ZBTB7C: variants seen among roughly 807,000 people sequenced by gnomAD.
ZBTB7C encodes zinc finger and BTB domain-containing protein 7C.
In ZBTB7C, 8 loss-of-function variants were observed where a neutral mutation model predicts 25.7. The ratio of observed to expected loss-of-function variants is 0.31; its 90% CI spans 0.18 to 0.56. The LOEUF (loss-of-function observed/expected upper bound fraction) is 0.56, where lower values mean the gene tolerates loss of function less well. Ranked by LOEUF, ZBTB7C falls within the 20% of genes least tolerant of loss-of-function variation. The pLI, the probability that ZBTB7C is intolerant of heterozygous loss-of-function variation, is 0.91. For missense variants in ZBTB7C, 824 were observed against 855.2 expected, an observed-to-expected ratio of 0.96 and a Z score of 0.46; for synonymous variants, 394 against 369.0, an observed-to-expected ratio of 1.07 and a Z score of -0.78.
intron 1 of ZBTB7C, among the ~76,000 whole-genome samples, chr18:48,396,820 A>T (rs2048038149): frequency 6.6e-6 from 1 of 152,218 alleles, no homozygotes; most frequent in Non-Finnish European, 1.5e-5. Flanking sequence ...CACGAGCCAC[A>T]ATGGTGGTTG....
At chr18:48,034,932 C>T (rs2035909953) in intron 4 of ZBTB7C, among the ~76,000 whole-genome samples, 1 of 152,208 alleles carries the variant, frequency 6.6e-6, no homozygotes, top group Non-Finnish European at 1.5e-5. Flanking sequence ...TCCAGAAAGG[C>T]TCCCAATCAG....
intron 2 of ZBTB7C, among the ~76,000 whole-genome samples, chr18:48,311,632 C>T (rs1332943273): frequency 6.6e-6 from 1 of 151,868 alleles, no homozygotes; most frequent in Admixed American, 6.6e-5. Flanking sequence ...AATAATATGG[C>T]TATTCAGTGG....
chr18:48,116,767 C>A (rs2039455808), intron 3 of ZBTB7C, among the ~76,000 whole-genome samples: 1 of 152,138 alleles, frequency 6.6e-6, no homozygotes, highest in Admixed American at 6.5e-5. Context: ...CAGTTCAGGG[C>A]AGACCTCCTC....
chr18:48,246,390 A>G (rs1233660787), intron 2 of ZBTB7C, among the ~76,000 whole-genome samples: 3 of 151,942 alleles, frequency 2.0e-5, no homozygotes, highest in African/African-American at 7.3e-5. Context: ...AGATCACACC[A>G]CTGCACTCCA....
intron 3 of ZBTB7C, among the ~76,000 whole-genome samples, chr18:48,132,017 C>T (rs572072683): frequency 2.0e-4 from 31 of 152,234 alleles, no homozygotes; most frequent in African/African-American, 7.2e-4. Flanking sequence ...TACCATATGA[C>T]CCAGCAATTC....
intron 3 of ZBTB7C, among the ~76,000 whole-genome samples, chr18:48,055,530 A>G (rs183355398): frequency 6.6e-6 from 1 of 152,124 alleles, no homozygotes; most frequent in Admixed American, 6.5e-5. Flanking sequence ...GAGGGAGGGC[A>G]TCGTGGAAAG....
At chr18:48,395,687 T>A (rs1599035760) in intron 1 of ZBTB7C, among the ~76,000 whole-genome samples, 1 of 151,494 alleles carries the variant, frequency 6.6e-6, no homozygotes, top group Non-Finnish European at 1.5e-5. Context: ...GGGGGCAGAG[T>A]CCCCATACAA....
intron 2 of ZBTB7C, among the ~76,000 whole-genome samples, chr18:48,269,024 A>G (rs2044397653): frequency 1.4e-5 from 2 of 143,890 alleles, no homozygotes; most frequent in Non-Finnish European, 3.0e-5. Flanking sequence ...TCAGTGGTAC[A>G]CTCTTGGCTC....
intron 3 of ZBTB7C, among the ~76,000 whole-genome samples, chr18:48,120,608 TA>T (rs955369449): frequency 4.6e-5 from 7 of 150,926 alleles, no homozygotes; most frequent in Non-Finnish European, 1.0e-4. Flanking sequence ...GACTCCGTCT[TA>T]AAAAAAAATA....
intron 2 of ZBTB7C, among the ~76,000 whole-genome samples, chr18:48,246,773 A>G (rs2144400040): frequency 6.6e-6 from 1 of 152,252 alleles, no homozygotes; most frequent in African/African-American, 2.4e-5. Flanking sequence ...CGAAATCATC[A>G]TCAGGTGCTT....
At chr18:48,343,372 C>A (rs2046649781) in intron 1 of ZBTB7C, among the ~76,000 whole-genome samples, 1 of 152,154 alleles carries the variant, frequency 6.6e-6, no homozygotes, top group Non-Finnish European at 1.5e-5. Flanking sequence ...TGTCCCTGGG[C>A]AAATTCCTGC....
intron 2 of ZBTB7C, among the ~76,000 whole-genome samples, chr18:48,263,939 A>G (rs897038777): frequency 9.2e-5 from 14 of 152,212 alleles, no homozygotes; most frequent in African/African-American, 3.4e-4. Context: ...TAGACAAGTG[A>G]GAACATTTGT....
At chr18:48,089,803 A>G (rs9955948) in intron 3 of ZBTB7C, among the ~76,000 whole-genome samples, 4 of 151,766 alleles carry the variant, frequency 2.6e-5, no homozygotes, top group African/African-American at 9.7e-5. Flanking sequence ...AAACAAACAA[A>G]CAAACAAACA....
chr18:48,336,101 C>T (rs760743390), intron 2 of ZBTB7C, among the ~76,000 whole-genome samples: 1 of 152,158 alleles, frequency 6.6e-6, no homozygotes, highest in Non-Finnish European at 1.5e-5. Flanking sequence ...AATTCCTGGA[C>T]CCACCCCTCC....
chr18:48,282,253 T>C (rs898353214), intron 2 of ZBTB7C, among the ~76,000 whole-genome samples: 12 of 135,438 alleles, frequency 8.9e-5, no homozygotes, highest in African/African-American at 1.4e-4. Flanking sequence ...TAGGTGGGAA[T>C]TGAACAATGA....
intron 3 of ZBTB7C, among the ~76,000 whole-genome samples, chr18:48,108,133 G>T (rs945116790): frequency 6.6e-6 from 1 of 152,142 alleles, no homozygotes; most frequent in African/African-American, 2.4e-5. Context: ...GGACCCCAAG[G>T]CTCGTCTATT....
intron 2 of ZBTB7C, chr18:48,252,225 G>A (rs2043882181): frequency 6.6e-6 from 1 of 152,214 alleles, no homozygotes; most frequent in African/African-American, 2.4e-5. Context: ...CAACCCAGGG[G>A]TTGAAACATG....
chr18:48,282,694 A>C (rs2044902306), intron 2 of ZBTB7C, among the ~76,000 whole-genome samples: 1 of 152,250 alleles, frequency 6.6e-6, no homozygotes, highest in Non-Finnish European at 1.5e-5. Context: ...TTACAACTAC[A>C]CATAGCAAAA....
intron 2 of ZBTB7C, among the ~76,000 whole-genome samples, chr18:48,291,950 C>T (rs1024789485): frequency 1.3e-5 from 2 of 152,190 alleles, no homozygotes; most frequent in Non-Finnish European, 2.9e-5. Context: ...GTAATCTCAG[C>T]ACTTTGGGAG....
Sources: gnomAD v4.1 joint callset for allele counts (sites outside exome capture counted in the v4.1 genomes callset) on GRCh38, gnomAD v4.1.1 for gene constraint, MANE v1.5 for transcripts, NCBI Gene and HGNC (gene_info 2026-07-23, HGNC 2026-07-21) for gene names.